Variants in KALRN observed in about 807,000 individuals in gnomAD.
The protein encoded by KALRN is kalirin.
A neutral mutation model predicts 353.7 loss-of-function variants in KALRN; 70 were observed. That is an observed-to-expected ratio of 0.20 (90% CI 0.16 to 0.24). The LOEUF is 0.24. Among genes scored for constraint, KALRN ranks in the 10% least tolerant of loss-of-function variants. KALRN has a pLI of 1.00. For missense variants in KALRN, 2,791 were observed against 3,756.7 expected (o/e 0.74, Z 6.72); for synonymous variants, 1,391 against 1,434.8 (o/e 0.97, Z 0.69).
At chr3:124,686,390 G>T (rs1274359109) in intron 51 of KALRN, among the ~76,000 whole-genome samples, 1 of 152,182 alleles carries the variant, frequency 6.6e-6, no homozygotes, top group Non-Finnish European at 1.5e-5. Context: ...ACTTTCCCAG[G>T]ACTGTGTATT....
In KALRN at chr3:124,713,031, G is replaced by A. The variant is rs2062966881; in HGVS notation, c.8172G>A (p.Gln2724=). Residue 2724 remains glutamine, a synonymous_variant, in exon 58 of 60, where the codon CAG becomes CAA. Coordinates refer to ENST00000682506, the MANE Select transcript of KALRN (RefSeq NM_001388419.1). ...GCAAAAAAATGAAGAAGAAAGAACA[G>A]GCTGCCCACGAGGCTGCCCTGCTTC... The part of the protein sequence containing the change: ...FVSKKMKKKE[Q]AAHEAALLQH... The A allele has an allele frequency of 2.5e-6, 4 of 1,613,990 alleles. No individual in the cohort carries two copies. Among genetic ancestry groups the A allele is most frequent in the East Asian group, 2.2e-5 (1 of 44,866 alleles).
intron 34 of KALRN, among the ~76,000 whole-genome samples, chr3:124,578,666 G>A (rs185356731): frequency 6.6e-6 from 1 of 152,242 alleles, no homozygotes; most frequent in Admixed American, 6.5e-5. Flanking sequence ...GTACTCGGGA[G>A]GCTGAGGCAG....
At chr3:124,710,517 G>A (rs2062839813) in intron 57 of KALRN, among the ~76,000 whole-genome samples, 1 of 152,212 alleles carries the variant, frequency 6.6e-6, no homozygotes, top group African/African-American at 2.4e-5. Context: ...CAGGCACAAT[G>A]TCTCACACCT....
Position 124,446,256 on chromosome 3 carries a change from T to A in KALRN, c.3409T>A (p.Phe1137Ile). Residue 1137 changes from phenylalanine (F) to isoleucine (I), a missense_variant, in exon 20 of 60, where the codon TTC becomes ATC. This residue lies in a region of KALRN where 268 missense variants were observed against 347.0 expected (regional missense o/e 0.77). Transcript: ENST00000682506. ...AGACCAATGCCAGCAATATGTGGTG[T>A]TCGAGCGCAGCGCTAAGCAGGTTGT... is the stretch of plus-strand genomic sequence containing the variant. The part of the protein sequence containing the change: ...RLDQCQQYVV[F>I]ERSAKQALDW... The A allele has an allele frequency of 6.2e-7, 1 of 1,613,896 alleles. No homozygotes were observed. Among genetic ancestry groups the A allele is most frequent in the Non-Finnish European group, 8.5e-7 (1 of 1,179,776 alleles).
At chr3:124,515,467 G>T (rs1189376637) in intron 33 of KALRN, among the ~76,000 whole-genome samples, 1 of 152,222 alleles carries the variant, frequency 6.6e-6, no homozygotes, top group Non-Finnish European at 1.5e-5. Context: ...AAATGTGCTT[G>T]ATATCCTGCA....
intron 34 of KALRN, among the ~76,000 whole-genome samples, chr3:124,566,468 G>A (rs1478249753): frequency 6.6e-6 from 1 of 150,832 alleles, no homozygotes; most frequent in Admixed American, 6.6e-5. Flanking sequence ...TCATACCACT[G>A]TGCTCCAGCC....
chr3:124,428,449 C>T (rs2093126258), intron 15 of KALRN, among the ~76,000 whole-genome samples: 2 of 152,180 alleles, frequency 1.3e-5, no homozygotes, highest in African/African-American at 2.4e-5. Context: ...CCTTATTTTA[C>T]AGATGAGAAA....
intron 19 of KALRN, 89 bp downstream of exon 19, chr3:124,442,148 A>C (rs1446181089): frequency 1.4e-5 from 9 of 647,232 alleles, no homozygotes. Context: ...CACAATCTCA[A>C]ATTTCCTGCT....
chr3:124,549,012 T>C (rs750164864), intron 33 of KALRN, among the ~76,000 whole-genome samples: 9 of 152,194 alleles, frequency 5.9e-5, no homozygotes, highest in African/African-American at 1.9e-4. Context: ...CTTATCTTAA[T>C]CTTTTTGAAT....
At chr3:124,662,656 A>C (rs551202445) in intron 45 of KALRN, among the ~76,000 whole-genome samples, 3 of 152,238 alleles carry the variant, frequency 2.0e-5, no homozygotes, top group Non-Finnish European at 4.4e-5. Flanking sequence ...TGAAGAGGGG[A>C]ATCAAGTCTG....
Position 124,680,988 on chromosome 3 carries a change from C to T in KALRN, c.7377+1471C>T, listed in dbSNP as rs558054235. Among the ~76,000 whole-genome samples, 6 of 152,292 alleles carry T rather than the reference C, an allele frequency of 3.9e-5. No individual in the cohort carries two copies. The East Asian group carries it at 1.2e-3, about 29-fold the overall frequency. ...GTCAGCTTGTAGATACTGGGTGGCA[C>T]CTGTATCCCCAGACCTAAGTATTGC... On this transcript the variant is annotated intron_variant, in intron 51 of 59. Transcript: ENST00000682506.
rs145355800 is a variant in KALRN at position 124,321,606 on chromosome 3, C to G, written c.1093-4374C>G. Reference sequence around the variant, plus strand: ...AGTTAATCACAGCATGGGACAAGGCCTCAGAAGAAGGGGCTCTCCATCCTG... The same window carrying G: ...AGTTAATCACAGCATGGGACAAGGCGTCAGAAGAAGGGGCTCTCCATCCTG... On this transcript the variant is annotated intron_variant, in intron 6 of 59. Transcript: ENST00000682506. Among the ~76,000 whole-genome samples the G allele has an allele frequency of 6.5e-4, 99 of 152,254 alleles. No individual in the cohort carries two copies. The East Asian group carries it at 0.014, about 21-fold the overall frequency.
intron 3 of KALRN, among the ~76,000 whole-genome samples, chr3:124,246,024 G>A (rs1259506730): frequency 6.6e-6 from 1 of 152,150 alleles, no homozygotes; most frequent in Non-Finnish European, 1.5e-5. Context: ...CCATGGTCAT[G>A]CAAATGACAA....
chr3:124,439,235 C>CAT (rs1314654869), intron 18 of KALRN, among the ~76,000 whole-genome samples, 198 bp downstream of exon 18: 6 of 150,930 alleles, frequency 4.0e-5, no homozygotes, highest in African/African-American at 1.5e-4. Context: ...CACACACACA[C>CAT]ACGCAGCTTC....
chr3:124,366,136 TA>T (rs1220110040), intron 10 of KALRN, among the ~76,000 whole-genome samples: 1 of 152,190 alleles, frequency 6.6e-6, no homozygotes, highest in East Asian at 1.9e-4. Context: ...GTGAAAGGTG[TA>T]ATGTCTGATG....
At chr3:124,640,132 A>G (rs140201690) in intron 37 of KALRN, among the ~76,000 whole-genome samples, 247 of 152,336 alleles carry the variant, frequency 1.6e-3, no homozygotes, top group Middle Eastern at 3.4e-3. Flanking sequence ...TTGACTAAGT[A>G]CAACTGTGTG....
chr3:124,671,012 T>G (rs551957515), intron 47 of KALRN, among the ~76,000 whole-genome samples: 5 of 152,318 alleles, frequency 3.3e-5, no homozygotes, highest in African/African-American at 1.2e-4. Flanking sequence ...CCCGCTCTCC[T>G]AGACCTTCTA....
chr3:124,108,311 G>C (rs551849820), intron 1 of KALRN, among the ~76,000 whole-genome samples: 1 of 152,236 alleles, frequency 6.6e-6, no homozygotes, highest in South Asian at 2.1e-4. Context: ...CCACCAAAAG[G>C]CAGATAGTCA....
chr3:124,324,399 T>G (rs1015240306), intron 6 of KALRN, among the ~76,000 whole-genome samples: 8 of 152,210 alleles, frequency 5.3e-5, no homozygotes, highest in Non-Finnish European at 1.0e-4. Context: ...TGCAGAGTGG[T>G]TTTTCTGTCA....
Sources: allele counts gnomAD v4.1 joint callset (sites outside exome capture counted in the v4.1 genomes callset), GRCh38; gene constraint gnomAD v4.1.1; regional missense constraint gnomAD v4.1.1; transcripts MANE v1.5; gene names NCBI Gene and HGNC (gene_info 2026-07-23, HGNC 2026-07-21).